SLC35F3: variants seen among roughly 807,000 people sequenced by gnomAD.
SLC35F3 encodes solute carrier family 35 member F3, also known as putative thiamine transporter SLC35F3.
SLC35F3 carries 25 observed loss-of-function variants against 49.9 expected under a neutral mutation model. The observed-to-expected ratio is 0.50, with a 90% confidence interval of 0.37 to 0.70. The LOEUF (loss-of-function observed/expected upper bound fraction) is 0.70, where lower values mean the gene tolerates loss of function less well. Ranked by LOEUF, SLC35F3 falls within the 30% of genes least tolerant of loss-of-function variation. The pLI is 0.00. For synonymous variants in SLC35F3, 275 were observed against 265.4 expected (o/e 1.04, Z -0.35); for missense variants, 525 against 639.8 (o/e 0.82, Z 1.94).
chr1:234,155,846 A>T (rs1227559758), intron 2 of SLC35F3, among the ~76,000 whole-genome samples: 3 of 151,706 alleles, frequency 2.0e-5, no homozygotes, highest in Non-Finnish European at 4.4e-5. Flanking sequence ...AAAAAATAAT[A>T]TTCAATTACT....
chr1:233,954,308 G>C (rs1390461144), intron 2 of SLC35F3, among the ~76,000 whole-genome samples: 2 of 152,120 alleles, frequency 1.3e-5, no homozygotes, highest in African/African-American at 4.8e-5. Flanking sequence ...TCCCGGCCTA[G>C]AGCCTCTTTT....
intron 2 of SLC35F3, among the ~76,000 whole-genome samples, chr1:234,131,895 A>G (rs1314844466): frequency 1.3e-5 from 2 of 152,194 alleles, no homozygotes; most frequent in Non-Finnish European, 2.9e-5. Context: ...AGCAAATAAT[A>G]AGCGATAATA....
At chr1:234,243,406 T>A (rs1009963998) in intron 3 of SLC35F3, among the ~76,000 whole-genome samples, 1 of 152,132 alleles carries the variant, frequency 6.6e-6, no homozygotes, top group African/African-American at 2.4e-5. Flanking sequence ...CCAATAACAC[T>A]TTATTATTAG....
At chr1:234,206,481 C>T (rs1415075146) in intron 2 of SLC35F3, among the ~76,000 whole-genome samples, 6 of 128,382 alleles carry the variant, frequency 4.7e-5, no homozygotes, top group Non-Finnish European at 9.5e-5. Context: ...GGACTATTTC[C>T]AAGGGACGCT....
At chr1:234,076,790 C>G (rs1260381846) in intron 2 of SLC35F3, among the ~76,000 whole-genome samples, 1 of 151,868 alleles carries the variant, frequency 6.6e-6, no homozygotes, top group African/African-American at 2.4e-5. Flanking sequence ...AAAGAAAAAG[C>G]TAGAATCCTA....
At chr1:234,235,842 G>A (rs796986789) in intron 3 of SLC35F3, among the ~76,000 whole-genome samples, 3 of 152,360 alleles carry the variant, frequency 2.0e-5, no homozygotes, top group African/African-American at 7.2e-5. Context: ...AGGGCCCGGT[G>A]TGTGTACCTT....
At chr1:234,236,926 TATATATATATA>T (rs1172193392) in intron 3 of SLC35F3, among the ~76,000 whole-genome samples, 1 of 1,686 alleles carries the variant, frequency 5.9e-4, no homozygotes, top group Non-Finnish European at 9.5e-4. Context: ...AAAAAAAAAT[TATATATATATA>T]TATATATATA....
chr1:234,130,991 C>CT (rs35411230), intron 2 of SLC35F3, among the ~76,000 whole-genome samples: 58,552 of 151,782 alleles, frequency 0.39, 13,265 homozygotes, highest in Non-Finnish European at 0.52. Context: ...AAAATGAAGA[C>CT]GCCATTAAGT....
intron 3 of SLC35F3, among the ~76,000 whole-genome samples, chr1:234,275,588 TAGAC>T (rs201072351): frequency 0.058 from 8,778 of 150,662 alleles, 318 homozygotes; most frequent in African/African-American, 0.098. Flanking sequence ...GGTAGGTAGA[TAGAC>T]AGACAGACAG....
chr1:234,045,117 G>C, intron 2 of SLC35F3, among the ~76,000 whole-genome samples: 1 of 152,136 alleles, frequency 6.6e-6, no homozygotes, highest in East Asian at 1.9e-4. Context: ...AAGGGGTTTT[G>C]TATGTGTCTC....
At chr1:233,931,449 A>C (rs1030439107) in intron 2 of SLC35F3, among the ~76,000 whole-genome samples, 4 of 152,056 alleles carry the variant, frequency 2.6e-5, no homozygotes, top group Non-Finnish European at 4.4e-5. Flanking sequence ...AAGAAACAAC[A>C]ACAGCAACAG....
At chr1:233,990,414 C>T (rs924102777) in intron 2 of SLC35F3, among the ~76,000 whole-genome samples, 1 of 152,078 alleles carries the variant, frequency 6.6e-6, no homozygotes. Flanking sequence ...AATTCACATC[C>T]AATTTTCTAT....
At chr1:234,130,020 A>G (rs890084607) in intron 2 of SLC35F3, among the ~76,000 whole-genome samples, 1 of 152,236 alleles carries the variant, frequency 6.6e-6, no homozygotes, top group African/African-American at 2.4e-5. Context: ...ACAGTGTAAG[A>G]AAGTAGTAAG....
chr1:234,277,101 A>G (rs181112872), intron 3 of SLC35F3, among the ~76,000 whole-genome samples: 2 of 152,352 alleles, frequency 1.3e-5, no homozygotes, highest in Non-Finnish European at 2.9e-5. Context: ...CACAGGGATG[A>G]TGGTGCCCTT....
intron 2 of SLC35F3, among the ~76,000 whole-genome samples, chr1:233,954,623 C>T (rs903338195): frequency 9.9e-5 from 15 of 152,162 alleles, no homozygotes; most frequent in African/African-American, 2.7e-4. Flanking sequence ...GCATAGGAGT[C>T]GCTTTCTAAA....
In SLC35F3 at chr1:234,214,618, C is replaced by G. The variant is rs1417225347; in HGVS notation, c.284-16799C>G. On this transcript the variant is annotated intron_variant, in intron 2 of 7. Transcript: ENST00000366618. The surrounding 1 kb of genome is among the most constrained non-coding windows in gnomAD (Gnocchi z 8.0). ...GCCCCGGGGGTCCCTGCACCCTAGC[C>G]GGGGAATGCTGCCACCCTGAGGGGG... The G allele has an allele frequency of 6.6e-7, 1 of 1,507,826 alleles. No homozygotes were observed. Among genetic ancestry groups the G allele is most frequent in the Admixed American group, 2.2e-5 (1 of 46,008 alleles). The allele number at this position is 1,507,826 out of a possible 1,614,324, so 93.4% of individuals were successfully genotyped here.
intron 2 of SLC35F3, among the ~76,000 whole-genome samples, chr1:234,167,787 A>G (rs1292799430): frequency 6.6e-6 from 1 of 152,138 alleles, no homozygotes; most frequent in Non-Finnish European, 1.5e-5. Context: ...CATTGATCCC[A>G]TTCTACAGAT....
chr1:234,288,691 TCA>T (rs979769649), intron 3 of SLC35F3, among the ~76,000 whole-genome samples: 18 of 152,366 alleles, frequency 1.2e-4, no homozygotes, highest in Admixed American at 4.6e-4. Flanking sequence ...CACCACAGTT[TCA>T]CAAAGTTGCT....
intron 2 of SLC35F3, among the ~76,000 whole-genome samples, chr1:233,913,504 G>A (rs1258915151): frequency 6.6e-6 from 1 of 152,144 alleles, no homozygotes. Flanking sequence ...GCTCTCTAGG[G>A]GCAGGGCTTG....
Sources: allele counts gnomAD v4.1 joint callset (sites outside exome capture counted in the v4.1 genomes callset), GRCh38; gene constraint gnomAD v4.1.1; non-coding constraint Gnocchi (gnomAD v3.1); transcripts MANE v1.5; gene names NCBI Gene and HGNC (gene_info 2026-07-23, HGNC 2026-07-21).